VTA1: variants seen among roughly 807,000 people sequenced by gnomAD.
VTA1 encodes the protein vacuolar protein sorting-associated protein VTA1 homolog.
VTA1 carries 24 observed loss-of-function variants against 36.9 expected under a neutral mutation model. That is an observed-to-expected ratio of 0.65 (90% CI 0.47 to 0.91). The LOEUF (loss-of-function observed/expected upper bound fraction) is 0.91, where lower values mean the gene tolerates loss of function less well. VTA1 is among the 40% of genes least tolerant of loss of function. VTA1 has a pLI of 0.00. For missense variants in VTA1, 393 were observed against 377.2 expected (o/e 1.04, Z -0.35); for synonymous variants, 142 against 130.2 (o/e 1.09, Z -0.62).
At chr6:142,187,230 G>A (rs1483271861) in intron 4 of VTA1, among the ~76,000 whole-genome samples, 1 of 152,154 alleles carries the variant, frequency 6.6e-6, no homozygotes, top group Non-Finnish European at 1.5e-5. Flanking sequence ...AGGATTAGGA[G>A]CCAAAGGAGG....
At position 142,220,587 on chromosome 6, in the gene VTA1, A is replaced by G. The variant is rs1776090749; in HGVS notation, c.*1944A>G. 6.6e-6 allele frequency: 1 copy of G among 152,204 alleles called. No individual in the cohort carries two copies. The highest frequency in any genetic ancestry group is 1.5e-5 in the Non-Finnish European group (1 of 68,028). 9.4% of individuals were successfully genotyped at this position (152,204 alleles called of 1,614,324 possible). ...TCATAAATGTTTAGTGTCAATACTAATGCTCTAATAATGTAAATTGTTAAT... is the reference window on the plus strand; with the variant it reads ...TCATAAATGTTTAGTGTCAATACTAGTGCTCTAATAATGTAAATTGTTAAT... On this transcript the variant is annotated 3_prime_UTR_variant, in exon 8 of 8. Coordinates refer to ENST00000367630, the MANE Select transcript of VTA1 (RefSeq NM_016485.5).
At chr6:142,213,750 T>A (rs1775949355) in intron 7 of VTA1, among the ~76,000 whole-genome samples, 1 of 152,216 alleles carries the variant, frequency 6.6e-6, no homozygotes, top group Non-Finnish European at 1.5e-5. Flanking sequence ...TGGTCCCTTT[T>A]AGCTATGGCT....
intron 7 of VTA1, among the ~76,000 whole-genome samples, chr6:142,212,071 A>G (rs1775915616): frequency 6.6e-6 from 1 of 152,252 alleles, no homozygotes; most frequent in South Asian, 2.1e-4. Flanking sequence ...GCTGGTGGGA[A>G]TGCAAAATGA....
intron 5 of VTA1, among the ~76,000 whole-genome samples, chr6:142,195,701 T>C (rs962233824): frequency 1.3e-5 from 2 of 151,006 alleles, no homozygotes; most frequent in African/African-American, 4.8e-5. Context: ...TCAGTTTCCC[T>C]CTAAGCATTG....
chr6:142,181,094 A>AAAAATATATATATATATATAT (rs1471429927), intron 4 of VTA1, among the ~76,000 whole-genome samples: 19 of 36,422 alleles, frequency 5.2e-4, no homozygotes, highest in Non-Finnish European at 8.2e-4. Flanking sequence ...AAAAAAAAAA[A>AAAAATATATATATATATATAT]ATATATATAT....
At chr6:142,212,881 C>G (rs1037275576) in intron 7 of VTA1, among the ~76,000 whole-genome samples, 6 of 152,176 alleles carry the variant, frequency 3.9e-5, no homozygotes, top group African/African-American at 1.4e-4. Flanking sequence ...TTACCTCTCT[C>G]CAGGCCCCTC....
intron 6 of VTA1, among the ~76,000 whole-genome samples, chr6:142,200,459 C>T (rs957083746): frequency 4.6e-5 from 7 of 151,832 alleles, no homozygotes; most frequent in African/African-American, 1.7e-4. Flanking sequence ...TTGTTTTAGA[C>T]AGTATATCTC....
intron 4 of VTA1, among the ~76,000 whole-genome samples, chr6:142,176,474 C>G (rs1775127229): frequency 6.6e-6 from 1 of 152,094 alleles, no homozygotes; most frequent in South Asian, 2.1e-4. Flanking sequence ...GCTTAGACAC[C>G]TTGTTTCATC....
intron 1 of VTA1, among the ~76,000 whole-genome samples, chr6:142,149,368 A>G (rs1349356184): frequency 6.6e-6 from 1 of 152,202 alleles, no homozygotes; most frequent in Non-Finnish European, 1.5e-5. Context: ...TTAAGGAATA[A>G]TAAAATGAAC....
intron 5 of VTA1, among the ~76,000 whole-genome samples, chr6:142,196,390 C>G (rs1036672651): frequency 3.3e-5 from 5 of 152,148 alleles, no homozygotes; most frequent in African/African-American, 1.2e-4. Context: ...TTAGTTTAAA[C>G]AAATCTAGAT....
chr6:142,151,239 C>T (rs1316554379), intron 1 of VTA1, among the ~76,000 whole-genome samples: 1 of 152,100 alleles, frequency 6.6e-6, no homozygotes, highest in Non-Finnish European at 1.5e-5. Flanking sequence ...TGTGGAGGGA[C>T]CACAGTGGGA....
chr6:142,204,212 T>C, intron 7 of VTA1, 147 bp downstream of exon 7: 1 of 695,196 alleles, frequency 1.4e-6, no homozygotes, highest in Non-Finnish European at 2.4e-6. Context: ...CCTTGAATGC[T>C]TATGTTCACT....
chr6:142,214,187 ATC>A (rs1371696729), intron 7 of VTA1, among the ~76,000 whole-genome samples: 1 of 152,000 alleles, frequency 6.6e-6, no homozygotes, highest in Admixed American at 6.5e-5. Context: ...ACCCTAAATC[ATC>A]TCTCTCAATT....
rs1199582355 is a variant in VTA1, at chr6:142,189,437, C to T, written c.423C>T (p.His141=). The T allele has an allele frequency of 6.2e-7, 1 of 1,613,384 alleles. No individual in the cohort carries two copies. Among genetic ancestry groups the T allele is most frequent in the Non-Finnish European group, 8.5e-7 (1 of 1,179,630 alleles). ...FGELTDENVK[H]RKYARWKATY... ...ATGCTCTCTTTTAGAATGTGAAACA[C>T]AGGAAGTATGCCAGATGGAAGGCAA... Residue 141 remains histidine, a synonymous_variant, in exon 5 of 8, where the codon CAC becomes CAT. Transcript: ENST00000367630.
intron 5 of VTA1, among the ~76,000 whole-genome samples, chr6:142,195,694 G>A (rs986182148): frequency 1.4e-5 from 2 of 140,056 alleles, no homozygotes; most frequent in African/African-American, 5.3e-5. Context: ...CTATCTTTCA[G>A]TTTCCCTCTA....
chr6:142,223,741 C>T lies in VTA1; in HGVS notation c.*5098C>T, dbSNP rs1011962629. ...CCATCAAATATTTAATATGATAATG[C>T]CATACTGGATATTATATACGAGTTA... On this transcript the variant is annotated 3_prime_UTR_variant, in exon 8 of 8. Coordinates refer to ENST00000367630, the MANE Select transcript of VTA1 (RefSeq NM_016485.5). 3.3e-5 allele frequency: 5 copies of T among 151,844 alleles called. No homozygotes were observed. Among genetic ancestry groups the T allele is most frequent in the African/African-American group, 1.2e-4 (5 of 41,298 alleles). 9.4% of individuals were successfully genotyped at this position (151,844 alleles called of 1,614,324 possible).
chr6:142,161,078 T>TCCCCC (rs112484201), intron 1 of VTA1, among the ~76,000 whole-genome samples: 4 of 116,086 alleles, frequency 3.4e-5, no homozygotes, highest in Admixed American at 9.7e-5. Flanking sequence ...CTTCCTTCCT[T>TCCCCC]CCCCCCCCCC....
At chr6:142,207,515 C>T (rs2114682117) in intron 7 of VTA1, among the ~76,000 whole-genome samples, 1 of 152,232 alleles carries the variant, frequency 6.6e-6, no homozygotes, top group African/African-American at 2.4e-5. Context: ...CCTAGCCTGC[C>T]TTCCCACACT....
At chr6:142,189,686 G>C (rs1004058848) in intron 5 of VTA1, 152 bp downstream of exon 5, 4 of 575,356 alleles carry the variant, frequency 7.0e-6, no homozygotes, top group Non-Finnish European at 1.2e-5. Context: ...CTTAGGGACA[G>C]TGAGAAATAG....
Sources: gnomAD v4.1 joint callset for allele counts (sites outside exome capture counted in the v4.1 genomes callset) on GRCh38, gnomAD v4.1.1 for gene constraint, MANE v1.5 for transcripts, NCBI Gene and HGNC (gene_info 2026-07-23, HGNC 2026-07-21) for gene names.